TTC7B: variants seen among roughly 807,000 people sequenced by gnomAD.
The protein encoded by TTC7B is tetratricopeptide repeat domain 7B, also known as tetratricopeptide repeat protein 7B.
Under a neutral mutation model 106.8 loss-of-function variants are expected in TTC7B, and 28 were observed. That is an observed-to-expected ratio of 0.26 (90% CI 0.19 to 0.36). TTC7B has a LOEUF of 0.36. Ranked by LOEUF, TTC7B falls within the 10% of genes least tolerant of loss-of-function variation. The pLI, the probability that TTC7B is intolerant of heterozygous loss-of-function variation, is 1.00. For missense variants in TTC7B, 862 were observed against 1,076.4 expected (o/e 0.80, Z 2.79); for synonymous variants, 405 against 430.6 (o/e 0.94, Z 0.74).
intron 1 of TTC7B, among the ~76,000 whole-genome samples, chr14:90,792,814 A>G (rs979908040): frequency 1.3e-5 from 2 of 152,114 alleles, no homozygotes; most frequent in African/African-American, 4.8e-5. Flanking sequence ...TGCAAGATGG[A>G]AAATGTGGGG....
intron 3 of TTC7B, among the ~76,000 whole-genome samples, chr14:90,748,402 C>T (rs979054570): frequency 6.6e-6 from 1 of 152,164 alleles, no homozygotes; most frequent in Non-Finnish European, 1.5e-5. Context: ...GATCTTGGCT[C>T]ACTGCAACCT....
At chr14:90,726,522 G>A (rs781012914) in intron 5 of TTC7B, among the ~76,000 whole-genome samples, 7 of 152,250 alleles carry the variant, frequency 4.6e-5, no homozygotes, top group Middle Eastern at 3.4e-3. Context: ...GCCAGGCGTC[G>A]TCACCATTGG....
In TTC7B at chr14:90,733,315, G is replaced by A. The variant is rs559525028; in HGVS notation, c.577-3119C>T. Among the ~76,000 whole-genome samples, 292 of 151,962 alleles carry A rather than the reference G, an allele frequency of 1.9e-3. 1 individual carries two copies. Among genetic ancestry groups the A allele is most frequent in the African/African-American group, 6.8e-3 (282 of 41,412 alleles). On this transcript the variant is annotated intron_variant, in intron 4 of 19. Transcript: ENST00000328459. ...TGCCCGAATCATGTGGCTTGAGAGC[G>A]GTGGAGCTGGTGCAGAAACCCAGAT...
chr14:90,542,095 A>G (rs1016652601), intron 19 of TTC7B, among the ~76,000 whole-genome samples: 1 of 151,912 alleles, frequency 6.6e-6, no homozygotes, highest in Non-Finnish European at 1.5e-5. Context: ...GCCCGCCACC[A>G]CGCCCGGCTA....
Position 90,578,087 on chromosome 14 carries a change from G to A in TTC7B, c.2310+19C>T, listed in dbSNP as rs151071979. The A allele has an allele frequency of 3.5e-5, 55 of 1,593,248 alleles. No individual in the cohort carries two copies. In the African/African-American group the frequency reaches 3.9e-4, roughly 11 times the overall value. The stretch of plus-strand genomic sequence containing the variant: ...TCCCCATGCCAGAGTAGGGGCCACC[G>A]CCGGGCTCGTGGACTCACCAGTCGC... On this transcript the variant is annotated intron_variant, in intron 19 of 19. Coordinates refer to ENST00000328459, the MANE Select transcript of TTC7B (RefSeq NM_001010854.2). The surrounding 1 kb of genome is among the most constrained non-coding windows in gnomAD (Gnocchi z 4.7).
rs745774607 is a variant in TTC7B at position 90,541,496 on chromosome 14, T to C, written c.2404A>G (p.Asn802Asp). 6.2e-6 allele frequency: 10 copies of C among 1,614,092 alleles called. No individual in the cohort carries two copies. The South Asian group carries it at 1.1e-4, about 18-fold the overall frequency. The change falls in exon 20 of 20, where the codon AAC (asparagine) becomes GAC (aspartate). Residue 802 changes from asparagine (N) to aspartate (D), a missense_variant. Asn to Asp is a conservative substitution (Grantham distance 23). Coordinates refer to ENST00000328459, the MANE Select transcript of TTC7B (RefSeq NM_001010854.2). ...GCTTGGAGGACCTCGCCCAGCCCGT[T>C]CCAGACCTCGTGGGCTGTCGAGTTC... ...QVNSTAHEVW[N>D]GLGEVLQAQG... is the part of the protein sequence containing the mutation.
chr14:90,554,804 G>A (rs143796514), intron 19 of TTC7B, among the ~76,000 whole-genome samples: 62 of 152,342 alleles, frequency 4.1e-4, no homozygotes, highest in Middle Eastern at 3.4e-3. Context: ...CAGGGTGCTG[G>A]TTCATGGCCA....
intron 3 of TTC7B, among the ~76,000 whole-genome samples, chr14:90,775,918 A>T (rs1202436303): frequency 6.6e-6 from 1 of 151,390 alleles, no homozygotes; most frequent in Admixed American, 6.6e-5. Context: ...TAAAAATTTT[A>T]AATTTTAAAA....
chr14:90,751,856 G>T (rs561119018), intron 3 of TTC7B, among the ~76,000 whole-genome samples: 129 of 152,290 alleles, frequency 8.5e-4, no homozygotes, highest in African/African-American at 2.9e-3. Context: ...CGTGGGAAAA[G>T]AATAAGAGTC....
intron 18 of TTC7B, among the ~76,000 whole-genome samples, chr14:90,580,777 C>T (rs941126787): frequency 6.6e-6 from 1 of 152,236 alleles, no homozygotes; most frequent in African/African-American, 2.4e-5. Context: ...AGCCCAGCCT[C>T]TGCAGCTCCT....
intron 2 of TTC7B, among the ~76,000 whole-genome samples, chr14:90,783,002 A>G (rs564107585): frequency 1.3e-5 from 2 of 152,258 alleles, no homozygotes; most frequent in South Asian, 4.1e-4. Flanking sequence ...AAAACGCTTG[A>G]AGAAAATTGC....
At chr14:90,627,288 T>C (rs1047822315) in intron 15 of TTC7B, among the ~76,000 whole-genome samples, 2 of 152,106 alleles carry the variant, frequency 1.3e-5, no homozygotes, top group East Asian at 1.9e-4. Context: ...ACCTGGCCCA[T>C]GTGAACACAT....
chr14:90,734,291 G>A (rs1019217087), intron 4 of TTC7B, among the ~76,000 whole-genome samples: 4 of 151,946 alleles, frequency 2.6e-5, no homozygotes, highest in Admixed American at 6.6e-5. Context: ...GTGGTGGCAC[G>A]TGCCTGTAGA....
At chr14:90,744,143 G>T (rs1219390864) in intron 4 of TTC7B, among the ~76,000 whole-genome samples, 1 of 152,180 alleles carries the variant, frequency 6.6e-6, no homozygotes, top group African/African-American at 2.4e-5. Flanking sequence ...AACAGGTCTT[G>T]GCACAGAGTC....
intron 9 of TTC7B, among the ~76,000 whole-genome samples, chr14:90,661,319 T>G (rs979104121): frequency 1.3e-5 from 2 of 152,172 alleles, no homozygotes; most frequent in African/African-American, 4.8e-5. Context: ...TCTTAGCTGC[T>G]TTGCTGTACT....
intron 19 of TTC7B, among the ~76,000 whole-genome samples, chr14:90,552,211 T>G (rs1341878698): frequency 1.3e-5 from 2 of 152,134 alleles, no homozygotes; most frequent in Non-Finnish European, 2.9e-5. Context: ...CACCGTGGGG[T>G]GGGACTCACA....
chr14:90,547,951 G>A (rs945178142), intron 19 of TTC7B, among the ~76,000 whole-genome samples: 1 of 152,222 alleles, frequency 6.6e-6, no homozygotes, highest in African/African-American at 2.4e-5. Flanking sequence ...TTCCCAAGGA[G>A]AAGCCATTGC....
rs906821007 is a variant in TTC7B at position 90,780,749 on chromosome 14, T to C, written c.434A>G (p.Tyr145Cys). Residue 145 changes from tyrosine (Y) to cysteine (C), a missense_variant, in exon 3 of 20, where the codon TAC becomes TGC. By Grantham distance (194) the Tyr-to-Cys change is radical. Transcript: ENST00000328459. ...GGCACGGGCCTCACCTTTGGTAGCG[T>C]AGGCTTCTGCGATCACCCGCAGCCT... ...PYRLRVIAEA[Y>C]ATKGLCLEKL... The C allele has an allele frequency of 9.3e-6, 15 of 1,614,044 alleles. No individual in the cohort carries two copies. The highest frequency in any genetic ancestry group is 8.9e-5 in the East Asian group (4 of 44,898).
chr14:90,769,679 G>A (rs1890798121), intron 3 of TTC7B, among the ~76,000 whole-genome samples: 2 of 152,100 alleles, frequency 1.3e-5, no homozygotes, highest in Admixed American at 1.3e-4. Context: ...TGAGGCAAGA[G>A]GATCACTTGA....
Sources: gnomAD v4.1 joint callset for allele counts (sites outside exome capture counted in the v4.1 genomes callset) on GRCh38, gnomAD v4.1.1 for gene constraint, Gnocchi (gnomAD v3.1) non-coding constraint, MANE v1.5 for transcripts, NCBI Gene and HGNC (gene_info 2026-07-23, HGNC 2026-07-21) for gene names.